The following WT1 variants were observed in gnomAD, a reference collection of about 807,000 sequenced individuals.
The protein encoded by WT1 is WT1 transcription factor, also known as Wilms tumor protein.
In WT1, 8 loss-of-function variants were observed where a neutral mutation model predicts 60.8. That is an observed-to-expected ratio of 0.13 (90% CI 0.08 to 0.24). The LOEUF is 0.24. WT1 is among the 10% of genes least tolerant of loss of function. WT1 has a pLI of 1.00. For synonymous variants in WT1, 312 were observed against 297.1 expected, an observed-to-expected ratio of 1.05 and a Z score of -0.52; for missense variants, 568 against 711.8, an observed-to-expected ratio of 0.80 and a Z score of 2.30.
At chr11:32,428,743 G>A (rs1853160031) in intron 1 of WT1, 124 bp from the exon 2 acceptor site, 5 of 1,477,930 alleles carry the variant, frequency 3.4e-6, no homozygotes, top group Non-Finnish European at 4.6e-6. Context: ...CCCAGCGGAG[G>A]AGAATCCAGC....
intron 3 of WT1, among the ~76,000 whole-genome samples, chr11:32,422,528 C>G (rs1170928251): frequency 6.6e-6 from 1 of 152,356 alleles, no homozygotes; most frequent in Middle Eastern, 3.4e-3. Context: ...TTATTAATTA[C>G]AATTTTATTT....
chr11:32,403,540 C>A (rs934580651), intron 5 of WT1, among the ~76,000 whole-genome samples: 3 of 150,484 alleles, frequency 2.0e-5, no homozygotes, highest in African/African-American at 7.3e-5. Flanking sequence ...CTTCTCATTT[C>A]GGACTCCTGG....
chr11:32,389,034 T>A lies in WT1; in HGVS notation c.*24A>T, dbSNP rs984366138. 1.2e-6 allele frequency: 2 copies of A among 1,614,044 alleles called. No individual in the cohort carries two copies. Among genetic ancestry groups the A allele is most frequent in the African/African-American group, 1.3e-5 (1 of 74,958 alleles). ...TCACACACTGTGCTGCCTGGGACAC[T>A]GAACGGTCCCCGAGGGAGACCCCTC... On this transcript the variant is annotated 3_prime_UTR_variant, in exon 10 of 10. Coordinates refer to ENST00000452863, the MANE Select transcript of WT1 (RefSeq NM_024426.6).
At chr11:32,392,118 GC>G in intron 8 of WT1, 54 bp from the exon 9 acceptor site, 1 of 1,532,484 alleles carries the variant, frequency 6.5e-7, no homozygotes, top group Non-Finnish European at 9.0e-7. Context: ...GCACAGTGAG[GC>G]CCACAAGGCT....
intron 1 of WT1, chr11:32,430,774 C>T: frequency 7.6e-7 from 1 of 1,324,108 alleles, no homozygotes; most frequent in East Asian, 2.7e-5. Context: ...GCCTCAAACC[C>T]TCTCCTTCAG....
At chr11:32,392,778 T>C (rs1851854930) in intron 7 of WT1, 23 bp from the exon 8 acceptor site, 1 of 1,609,402 alleles carries the variant, frequency 6.2e-7, no homozygotes, top group African/African-American at 1.3e-5. Context: ...ACATATTCTA[T>C]TTGAAAATGA....
chr11:32,389,082 C>T lies in WT1; in HGVS notation c.1545G>A (p.Met515Ile), dbSNP rs2132897547. The change falls in exon 10 of 10, where the codon ATG (methionine) becomes ATA (isoleucine). Residue 515 changes from methionine (M) to isoleucine (I), a missense_variant. By Grantham distance (10) the Met-to-Ile change is conservative. Around this residue, in one of 3 missense-constraint regions of WT1, gnomAD observed 29 missense variants for 46.8 expected, o/e 0.62. Transcript: ENST00000452863. The stretch of plus-strand genomic sequence containing the variant: ...CTCAAAGCGCCAGCTGGAGTTTGGT[C>T]ATGTTTCTCTGATGCATGTTGTGAT... 1 of 1,614,220 alleles carries T rather than the reference C, an allele frequency of 6.2e-7. No homozygotes were observed. The highest frequency in any genetic ancestry group is 8.5e-7 in the Non-Finnish European group (1 of 1,180,034).
intron 6 of WT1, among the ~76,000 whole-genome samples, chr11:32,398,473 AC>A (rs574904743): frequency 2.8e-4 from 43 of 152,212 alleles, no homozygotes; most frequent in South Asian, 1.2e-3. Flanking sequence ...ATTCTCCAAA[AC>A]TTTTACCTTT....
chr11:32,391,790 C>T (rs1262449145), intron 9 of WT1, among the ~76,000 whole-genome samples, 182 bp downstream of exon 9: 1 of 152,204 alleles, frequency 6.6e-6, no homozygotes, highest in Non-Finnish European at 1.5e-5. Flanking sequence ...TTTCCACCCT[C>T]CCCTTCTTTA....
At chr11:32,426,716 C>G (rs910959893) in intron 3 of WT1, among the ~76,000 whole-genome samples, 15 of 152,306 alleles carry the variant, frequency 9.8e-5, no homozygotes, top group Admixed American at 9.8e-4. Flanking sequence ...TTCTCCAGTC[C>G]GCGCGCCTCA....
chr11:32,392,617 C>T (rs779805518), intron 8 of WT1, 49 bp downstream of exon 8: 78 of 1,567,402 alleles, frequency 5.0e-5, no homozygotes, highest in Non-Finnish European at 6.5e-5. Flanking sequence ...GAAATCAACC[C>T]TAGCCCAAGG....
At chr11:32,429,816 T>C (rs557827979) in intron 1 of WT1, among the ~76,000 whole-genome samples, 1 of 151,896 alleles carries the variant, frequency 6.6e-6, no homozygotes, top group African/African-American at 2.4e-5. Flanking sequence ...AGGAGTAAAT[T>C]GGGTCAAACA....
chr11:32,401,937 G>C (rs946732085), intron 5 of WT1, among the ~76,000 whole-genome samples: 2 of 152,132 alleles, frequency 1.3e-5, no homozygotes, highest in Non-Finnish European at 1.5e-5. Flanking sequence ...TTGGTTCCAG[G>C]GGTCCTGGGC....
intron 7 of WT1, among the ~76,000 whole-genome samples, chr11:32,395,035 T>A (rs1590336347): frequency 6.6e-6 from 1 of 152,382 alleles, no homozygotes; most frequent in East Asian, 1.9e-4. Flanking sequence ...CCCTCCTTTT[T>A]AGCCTCAAAG....
intron 6 of WT1, among the ~76,000 whole-genome samples, chr11:32,398,340 T>C (rs181970448): frequency 4.6e-5 from 7 of 152,344 alleles, no homozygotes; most frequent in Admixed American, 4.6e-4. Flanking sequence ...CATGGATTGA[T>C]GTTTATAAGC....
rs965013421 is a variant in WT1, at chr11:32,428,441, G to A, written c.784+56C>T. The A allele has an allele frequency of 1.7e-5, 27 of 1,611,988 alleles. No homozygotes were observed. In the East Asian group the frequency reaches 5.6e-4, roughly 33 times the overall value. On this transcript the variant is annotated intron_variant, in intron 2 of 9. Coordinates refer to ENST00000452863, the MANE Select transcript of WT1 (RefSeq NM_024426.6). ...CTGTGGGTTAGGAATTCCTGGGGGAGAGGAGGATAGCACGGAAGAAGGGGA... is the reference window on the plus strand; with the variant it reads ...CTGTGGGTTAGGAATTCCTGGGGGAAAGGAGGATAGCACGGAAGAAGGGGA...
chr11:32,408,743 A>G (rs1852405036), intron 5 of WT1, among the ~76,000 whole-genome samples: 1 of 152,128 alleles, frequency 6.6e-6, no homozygotes, highest in African/African-American at 2.4e-5. Flanking sequence ...TTTCCAATAA[A>G]CCAATAGTCT....
intron 5 of WT1, among the ~76,000 whole-genome samples, chr11:32,413,059 T>A (rs75940312): frequency 0.011 from 1,644 of 152,272 alleles, 22 homozygotes; most frequent in African/African-American, 0.037. Flanking sequence ...ACAAACCTAT[T>A]CTTTGTGAAG....
In WT1 at chr11:32,416,537, A is replaced by C; in HGVS notation, c.969T>G (p.Val323=). 1 of 1,614,064 alleles carries C rather than the reference A, an allele frequency of 6.2e-7. No homozygotes were observed. The highest frequency in any genetic ancestry group is 8.5e-7 in the Non-Finnish European group (1 of 1,179,966). Reference sequence around the variant, plus strand: ...TCACTGAGCTGGAGCTCCCAGCAGCAACTCTAGAAAAGAAGAAGAGGTGGG... The same window carrying C: ...TCACTGAGCTGGAGCTCCCAGCAGCCACTCTAGAAAAGAAGAAGAGGTGGG... The change falls in exon 5 of 10, where the codon GTT becomes GTG. Residue 323 remains valine, a synonymous_variant. Transcript: ENST00000452863.
Sources: gnomAD v4.1 joint callset for allele counts (sites outside exome capture counted in the v4.1 genomes callset) on GRCh38, gnomAD v4.1.1 for gene constraint, gnomAD v4.1.1 regional missense constraint, MANE v1.5 for transcripts, NCBI Gene and HGNC (gene_info 2026-07-23, HGNC 2026-07-21) for gene names.